KAT2B: variants seen among roughly 807,000 people sequenced by gnomAD.
KAT2B encodes the protein histone acetyltransferase KAT2B.
A neutral mutation model predicts 105.9 loss-of-function variants in KAT2B; 36 were observed. The ratio of observed to expected loss-of-function variants is 0.34; its 90% CI spans 0.26 to 0.45. The LOEUF is 0.45. Ranked by LOEUF, KAT2B falls within the 20% of genes least tolerant of loss-of-function variation. The pLI, the probability that KAT2B is intolerant of heterozygous loss-of-function variation, is 1.00. For missense variants in KAT2B, 820 were observed against 1,021.6 expected (o/e 0.80, Z 2.69); for synonymous variants, 397 against 377.9 (o/e 1.05, Z -0.59).
At chr3:20,075,242 C>A (rs865851217) in intron 2 of KAT2B, among the ~76,000 whole-genome samples, 1 of 151,452 alleles carries the variant, frequency 6.6e-6, no homozygotes, top group African/African-American at 2.4e-5. Flanking sequence ...CCAGCCTGAG[C>A]GATATTGCGA....
intron 1 of KAT2B, among the ~76,000 whole-genome samples, chr3:20,049,144 G>A (rs1297959968): frequency 6.6e-6 from 1 of 152,136 alleles, no homozygotes; most frequent in East Asian, 1.9e-4. Flanking sequence ...ACAGGTGTGA[G>A]CCACCGCGCC....
intron 2 of KAT2B, among the ~76,000 whole-genome samples, chr3:20,083,560 C>T (rs368758501): frequency 4.6e-5 from 7 of 152,058 alleles, no homozygotes; most frequent in African/African-American, 1.4e-4. Flanking sequence ...GTCAGCATCC[C>T]CAAAGAGCCA....
chr3:20,144,429 C>T (rs903002139), intron 13 of KAT2B, among the ~76,000 whole-genome samples: 3 of 151,324 alleles, frequency 2.0e-5, no homozygotes, highest in African/African-American at 7.3e-5. Context: ...GCTGGGACTA[C>T]AGGCACCCGC....
chr3:20,149,022 T>C (rs1209982217), intron 17 of KAT2B: 1 of 152,376 alleles, frequency 6.6e-6, no homozygotes, highest in East Asian at 1.9e-4. Flanking sequence ...ATACTCTTTA[T>C]TTTACGCTTT....
At chr3:20,041,512 A>G (rs938193557) in intron 1 of KAT2B, among the ~76,000 whole-genome samples, 2 of 152,156 alleles carry the variant, frequency 1.3e-5, no homozygotes, top group African/African-American at 4.8e-5. Flanking sequence ...GAGGACACCC[A>G]TTTCTTGCTA....
At chr3:20,046,380 G>A (rs1314676725) in intron 1 of KAT2B, among the ~76,000 whole-genome samples, 2 of 152,100 alleles carry the variant, frequency 1.3e-5, no homozygotes, top group African/African-American at 2.4e-5. Context: ...TCACGAGTTC[G>A]AGACCAGCCT....
chr3:20,139,366 T>C (rs1699659889), intron 12 of KAT2B, among the ~76,000 whole-genome samples: 1 of 152,218 alleles, frequency 6.6e-6, no homozygotes, highest in South Asian at 2.1e-4. Flanking sequence ...TTAATTGGAT[T>C]GTTTCACTGA....
At chr3:20,049,944 A>G (rs1341064303) in intron 1 of KAT2B, among the ~76,000 whole-genome samples, 1 of 152,170 alleles carries the variant, frequency 6.6e-6, no homozygotes, top group Non-Finnish European at 1.5e-5. Flanking sequence ...TCCCCCTTGT[A>G]ATCCCAGCAT....
At chr3:20,077,759 A>G (rs1698444816) in intron 2 of KAT2B, among the ~76,000 whole-genome samples, 1 of 152,238 alleles carries the variant, frequency 6.6e-6, no homozygotes, top group African/African-American at 2.4e-5. Context: ...TGGGATTGGC[A>G]CAATAATATT....
Position 20,125,966 on chromosome 3 carries a change from G to T in KAT2B, c.1475G>T (p.Gly492Val). Residue 492 changes from glycine to valine, a missense_variant, in exon 10 of 18, where the codon GGT becomes GTT. Physicochemically the swap from Gly to Val is moderately radical, Grantham distance 109 (BLOSUM62 -3). Around this residue, in one of 6 missense-constraint regions of KAT2B, gnomAD observed 225 missense variants for 268.1 expected, o/e 0.84. Transcript: ENST00000263754. ...DEAARLEERR[G>V]VIEFHVVGNS... ...GCGGCAAGGTTGGAAGAGCGCAGGGGTGTAATTGAATTTCACGTGGTTGGC... is the reference window on the plus strand; with the variant it reads ...GCGGCAAGGTTGGAAGAGCGCAGGGTTGTAATTGAATTTCACGTGGTTGGC... The T allele has an allele frequency of 6.2e-7, 1 of 1,613,990 alleles. No individual in the cohort carries two copies. Among genetic ancestry groups the T allele is most frequent in the Non-Finnish European group, 8.5e-7 (1 of 1,179,956 alleles).
chr3:20,118,328 T>G (rs1457323379), intron 7 of KAT2B, among the ~76,000 whole-genome samples: 1 of 139,198 alleles, frequency 7.2e-6, no homozygotes, highest in Non-Finnish European at 1.6e-5. Context: ...TCTCCTAAAT[T>G]TGTGTGTGTG....
chr3:20,148,656 G>A (rs1699818332), intron 17 of KAT2B, 169 bp downstream of exon 17: 1 of 560,858 alleles, frequency 1.8e-6, no homozygotes, highest in Non-Finnish European at 3.1e-6. Flanking sequence ...AGAAGTGGGT[G>A]GCTGTGTTCA....
At chr3:20,109,565 G>C (rs1262261983) in intron 5 of KAT2B, among the ~76,000 whole-genome samples, 2 of 152,104 alleles carry the variant, frequency 1.3e-5, no homozygotes. Context: ...CGATCTTCCT[G>C]CTTGGGCCTT....
chr3:20,126,980 G>A (rs184261586), intron 10 of KAT2B, among the ~76,000 whole-genome samples: 32 of 152,178 alleles, frequency 2.1e-4, no homozygotes, highest in Non-Finnish European at 1.2e-4. Flanking sequence ...TCCATAATGC[G>A]GAATTTTGCA....
intron 2 of KAT2B, among the ~76,000 whole-genome samples, chr3:20,086,607 G>A (rs1698620234): frequency 6.6e-6 from 1 of 151,990 alleles, no homozygotes; most frequent in South Asian, 2.1e-4. Flanking sequence ...TCTTGACACT[G>A]CCCCACCCCA....
At chr3:20,092,218 T>TATTG in intron 2 of KAT2B, among the ~76,000 whole-genome samples, 1 of 85,318 alleles carries the variant, frequency 1.2e-5, no homozygotes. Context: ...TACTTTCACA[T>TATTG]ATTTATTTAT....
intron 1 of KAT2B, among the ~76,000 whole-genome samples, chr3:20,062,898 A>G (rs1698162516): frequency 6.6e-6 from 1 of 152,008 alleles, no homozygotes; most frequent in Non-Finnish European, 1.5e-5. Flanking sequence ...GTTGAGTTGT[A>G]GGCATTCTTT....
At chr3:20,041,208 C>A (rs971822336) in intron 1 of KAT2B, among the ~76,000 whole-genome samples, 7 of 151,982 alleles carry the variant, frequency 4.6e-5, no homozygotes, top group Admixed American at 3.9e-4. Flanking sequence ...TCCTGTGTCC[C>A]ACTGGGAGGA....
At position 20,146,436 on chromosome 3, in the gene KAT2B, T is replaced by A. The variant is rs1169235442; in HGVS notation, c.2119+6T>A. 1 of 1,527,784 alleles carries A rather than the reference T, an allele frequency of 6.5e-7. No homozygotes were observed. Among genetic ancestry groups the A allele is most frequent in the Non-Finnish European group, 9.0e-7 (1 of 1,115,454 alleles). The allele number at this position is 1,527,784 out of a possible 1,614,324, so 94.6% of individuals were successfully genotyped here. ...AGAAAGCATTCCTGGAATTAGTACG[T>A]ATAGACCTTCTTTTAAAAGCGAAAT... On this transcript the variant is annotated splice_donor_region_variant and intron_variant, in intron 14 of 17. Coordinates refer to ENST00000263754, the MANE Select transcript of KAT2B (RefSeq NM_003884.5).
Sources: allele counts gnomAD v4.1 joint callset (sites outside exome capture counted in the v4.1 genomes callset), GRCh38; gene constraint gnomAD v4.1.1; regional missense constraint gnomAD v4.1.1; transcripts MANE v1.5; gene names NCBI Gene and HGNC (gene_info 2026-07-23, HGNC 2026-07-21).